PHF24: variants seen among roughly 807,000 people sequenced by gnomAD.
The protein encoded by PHF24 is PHD finger protein 24, also known as Galpha inhibitory interacting protein.
PHF24 carries 25 observed loss-of-function variants against 42.6 expected under a neutral mutation model. The ratio of observed to expected loss-of-function variants is 0.59; its 90% CI spans 0.43 to 0.82. PHF24 has a LOEUF of 0.82. Ranked by LOEUF, PHF24 falls within the 40% of genes least tolerant of loss-of-function variation. The pLI, the probability that PHF24 is intolerant of heterozygous loss-of-function variation, is 0.00. For synonymous variants in PHF24, 185 were observed against 204.8 expected (o/e 0.90, Z 0.83); for missense variants, 470 against 538.1 (o/e 0.87, Z 1.25).
the PHF24 span, chr9:34,837,722 A>C: frequency 6.8e-7 from 1 of 1,463,530 alleles, no homozygotes; most frequent in Non-Finnish European, 9.4e-7. Flanking sequence ...AAACATTAGA[A>C]TGTGAAGCTG....
At chr9:34,930,265 G>T in the PHF24 span, among the ~76,000 whole-genome samples, 2 of 152,150 alleles carry the variant, frequency 1.3e-5, no homozygotes, top group African/African-American at 4.8e-5. Flanking sequence ...GGATAACCTG[G>T]TTGACTCTTC....
chr9:34,746,257 A>T, the PHF24 span, among the ~76,000 whole-genome samples: 1 of 152,186 alleles, frequency 6.6e-6, no homozygotes, highest in African/African-American at 2.4e-5. Flanking sequence ...TCTACTTTGA[A>T]TCCTCTCAGT....
the PHF24 span, among the ~76,000 whole-genome samples, chr9:34,808,824 C>CTAT: frequency 7.2e-6 from 1 of 139,636 alleles, no homozygotes; most frequent in Admixed American, 8.2e-5. Flanking sequence ...CCTCTGTATA[C>CTAT]TATTACAAGG....
chr9:34,966,223 C>T (rs7874491), intron 1 of PHF24, among the ~76,000 whole-genome samples: 36,008 of 152,058 alleles, frequency 0.24, 5,091 homozygotes, highest in East Asian at 0.68. Context: ...TTCTGATATA[C>T]ACCTCCCACC....
the PHF24 span, chr9:34,723,668 A>G: frequency 6.4e-7 from 1 of 1,551,636 alleles, no homozygotes; most frequent in Non-Finnish European, 8.7e-7. Flanking sequence ...CAGCCCATGC[A>G]AAACTTGGCC....
chr9:34,744,971 A>G, the PHF24 span, among the ~76,000 whole-genome samples: 1 of 152,218 alleles, frequency 6.6e-6, no homozygotes, highest in African/African-American at 2.4e-5. Context: ...TTACAGCTTG[A>G]CAGGAATATT....
At chr9:34,665,758 C>T in the PHF24 span, 2 of 687,412 alleles carry the variant, frequency 2.9e-6, no homozygotes, top group Non-Finnish European at 5.3e-6. Context: ...CGAGGCTGCC[C>T]AGTTCTCAGG....
chr9:34,942,260 A>T, the PHF24 span, among the ~76,000 whole-genome samples: 2 of 152,324 alleles, frequency 1.3e-5, no homozygotes, highest in African/African-American at 4.8e-5. Flanking sequence ...GGGACAGAGC[A>T]ATGTTCCTAG....
the PHF24 span, among the ~76,000 whole-genome samples, chr9:34,924,547 T>C: frequency 1.3e-5 from 2 of 152,224 alleles, no homozygotes; most frequent in Non-Finnish European, 2.9e-5. Context: ...TTTCTTTTTA[T>C]GGTTTTTGTC....
At chr9:34,776,249 G>C in the PHF24 span, among the ~76,000 whole-genome samples, 1 of 152,062 alleles carries the variant, frequency 6.6e-6, no homozygotes. Flanking sequence ...TTACTTTTAG[G>C]ATGGAAATTC....
chr9:34,954,499 T>C (rs1302240770), upstream of PHF24, among the ~76,000 whole-genome samples: 1 of 152,190 alleles, frequency 6.6e-6, no homozygotes, highest in East Asian at 1.9e-4. Flanking sequence ...AAGAGATGTG[T>C]ATTGCAAGCA....
the PHF24 span, among the ~76,000 whole-genome samples, chr9:34,785,441 A>AT: frequency 6.6e-6 from 1 of 152,170 alleles, no homozygotes; most frequent in Non-Finnish European, 1.5e-5. Flanking sequence ...GCATCTACCA[A>AT]TTTTTTAAAA....
At chr9:34,966,587 C>CG (rs1012203508) in intron 1 of PHF24, among the ~76,000 whole-genome samples, 56 of 151,656 alleles carry the variant, frequency 3.7e-4, no homozygotes, top group African/African-American at 8.9e-4. Context: ...GAGACCCCCC[C>CG]CCTCGCCCCA....
the PHF24 span, among the ~76,000 whole-genome samples, chr9:34,669,313 C>A: frequency 6.6e-6 from 1 of 151,966 alleles, no homozygotes; most frequent in Non-Finnish European, 1.5e-5. Context: ...TTTACAGACC[C>A]CTGAGACCTG....
At chr9:34,728,873 C>A in the PHF24 span, among the ~76,000 whole-genome samples, 1 of 152,028 alleles carries the variant, frequency 6.6e-6, no homozygotes, top group African/African-American at 2.4e-5. Flanking sequence ...AATTCTATAC[C>A]TCCCATCTGA....
chr9:34,898,442 T>C, the PHF24 span, among the ~76,000 whole-genome samples: 1 of 152,198 alleles, frequency 6.6e-6, no homozygotes, highest in Non-Finnish European at 1.5e-5. Flanking sequence ...GTCCTTCTTA[T>C]ACCTACAAAA....
At chr9:34,686,137 A>G in the PHF24 span, among the ~76,000 whole-genome samples, 1 of 152,206 alleles carries the variant, frequency 6.6e-6, no homozygotes, top group Non-Finnish European at 1.5e-5. Flanking sequence ...GGGATCACCT[A>G]GGAAGTTATC....
At chr9:34,900,094 C>A in the PHF24 span, among the ~76,000 whole-genome samples, 1 of 152,108 alleles carries the variant, frequency 6.6e-6, no homozygotes, top group Non-Finnish European at 1.5e-5. Flanking sequence ...TTATGGACAC[C>A]GTGGGGAACT....
At chr9:34,832,354 G>A in the PHF24 span, 4,206 of 757,162 alleles carry the variant, frequency 5.6e-3, 24 homozygotes, top group Non-Finnish European at 6.3e-3. Flanking sequence ...CGAGGACAGT[G>A]GTGGGGGTGG....
Sources: gnomAD v4.1 joint callset for allele counts (sites outside exome capture counted in the v4.1 genomes callset) on GRCh38, gnomAD v4.1.1 for gene constraint, MANE v1.5 for transcripts, NCBI Gene and HGNC (gene_info 2026-07-23, HGNC 2026-07-21) for gene names.